Variants in CPAP observed in about 807,000 individuals in gnomAD.
CPAP encodes centrosomal P4.1-associated protein.
chr13:24,903,974 G>A, the CPAP span: 1 of 1,614,070 alleles, frequency 6.2e-7, no homozygotes, highest in Non-Finnish European at 8.5e-7. Context: ...TTTAGCTAAA[G>A]ATGCGTTCTC....
the CPAP span, chr13:24,912,464 T>A: frequency 1.2e-6 from 1 of 836,074 alleles, no homozygotes; most frequent in Non-Finnish European, 1.9e-6. Context: ...CAAAATCTGG[T>A]ATTCTGAGGA....
At chr13:24,892,855 G>T in the CPAP span, 8 of 1,604,802 alleles carry the variant, frequency 5.0e-6, no homozygotes, top group Non-Finnish European at 6.8e-6. Flanking sequence ...TCTGCTATTT[G>T]CTGTTTTAAA....
the CPAP span, chr13:24,886,125 TAAAC>T: frequency 4.9e-5 from 20 of 409,912 alleles, no homozygotes; most frequent in Middle Eastern, 2.8e-3. Flanking sequence ...CATTACAAAA[TAAAC>T]ACGCCCCCAC....
the CPAP span, among the ~76,000 whole-genome samples, chr13:24,928,001 C>T: frequency 0.041 from 6,190 of 152,266 alleles, 214 homozygotes; most frequent in African/African-American, 0.094. Context: ...AGGAGCTGAC[C>T]GTTGATCATT....
chr13:24,919,730 G>C, the CPAP span, among the ~76,000 whole-genome samples: 1 of 149,850 alleles, frequency 6.7e-6, no homozygotes, highest in African/African-American at 2.5e-5. Context: ...TTTTATGTCT[G>C]ACAGAAGAAT....
the CPAP span, among the ~76,000 whole-genome samples, chr13:24,915,328 A>G: frequency 6.6e-6 from 1 of 152,146 alleles, no homozygotes; most frequent in African/African-American, 2.4e-5. Flanking sequence ...TGAATTCAGG[A>G]CATTTTAAGA....
chr13:24,893,867 G>A, the CPAP span, among the ~76,000 whole-genome samples: 1 of 152,138 alleles, frequency 6.6e-6, no homozygotes, highest in Non-Finnish European at 1.5e-5. Context: ...ATTATACTAA[G>A]AACAAAGCTC....
chr13:24,899,058 C>T, the CPAP span, among the ~76,000 whole-genome samples: 4 of 152,164 alleles, frequency 2.6e-5, no homozygotes, highest in Admixed American at 6.5e-5. Flanking sequence ...TGGTTATTTA[C>T]AGCCATAAAT....
At chr13:24,914,282 C>T in the CPAP span, among the ~76,000 whole-genome samples, 1 of 152,202 alleles carries the variant, frequency 6.6e-6, no homozygotes, top group East Asian at 1.9e-4. Context: ...CTGCAAGACA[C>T]TCCCACTGAC....
At chr13:24,925,812 T>C in the CPAP span, 1 of 152,638 alleles carries the variant, frequency 6.6e-6, no homozygotes, top group African/African-American at 2.4e-5. Context: ...CCAGGAAGCA[T>C]AGGGGAATTT....
At chr13:24,905,772 G>C in the CPAP span, 1 of 1,614,106 alleles carries the variant, frequency 6.2e-7, no homozygotes, top group Non-Finnish European at 8.5e-7. Flanking sequence ...GACAAATCCA[G>C]ATCAACATCT....
At chr13:24,900,761 TA>T in the CPAP span, among the ~76,000 whole-genome samples, 1 of 152,172 alleles carries the variant, frequency 6.6e-6, no homozygotes, top group Non-Finnish European at 1.5e-5. Context: ...GTGAATTTAA[TA>T]ACCAGAGAAA....
chr13:24,883,901 C>T, the CPAP span: 19 of 1,609,574 alleles, frequency 1.2e-5, no homozygotes, highest in South Asian at 9.9e-5. Context: ...GGGGCACCTT[C>T]TGAGCACAGA....
At chr13:24,883,075 T>A in the CPAP span, 60 of 1,063,580 alleles carry the variant, frequency 5.6e-5, no homozygotes, top group African/African-American at 5.4e-4. Flanking sequence ...AATCTAATCT[T>A]TTCCCCACAC....
At chr13:24,885,452 A>G in the CPAP span, 1 of 1,241,312 alleles carries the variant, frequency 8.1e-7, no homozygotes, top group East Asian at 2.3e-5. Context: ...ATTCTGATAT[A>G]GGGTTCTAGG....
the CPAP span, chr13:24,906,203 C>T: frequency 1.7e-5 from 27 of 1,612,982 alleles, no homozygotes; most frequent in African/African-American, 8.0e-5. Context: ...GGAAGACATC[C>T]GGTGACCTTT....
the CPAP span, chr13:24,906,925 T>C: frequency 6.2e-7 from 1 of 1,614,056 alleles, no homozygotes; most frequent in Non-Finnish European, 8.5e-7. Context: ...ATGGTTGTTT[T>C]GGTTTTGCTT....
At chr13:24,905,251 A>G in the CPAP span, 8 of 1,193,792 alleles carry the variant, frequency 6.7e-6, no homozygotes, top group African/African-American at 1.5e-5. Flanking sequence ...CTATTGAGCA[A>G]TAAGGAAAGT....
the CPAP span, among the ~76,000 whole-genome samples, chr13:24,921,778 G>A: frequency 6.6e-6 from 1 of 152,126 alleles, no homozygotes. Flanking sequence ...ACTGACAAGT[G>A]CAAGCAGTCT....
Sources: allele counts gnomAD v4.1 joint callset (sites outside exome capture counted in the v4.1 genomes callset), GRCh38; gene constraint gnomAD v4.1.1; transcripts MANE v1.5; gene names NCBI Gene and HGNC (gene_info 2026-07-23, HGNC 2026-07-21).